PARP15: variants seen among roughly 807,000 people sequenced by gnomAD.
The protein encoded by PARP15 is protein mono-ADP-ribosyltransferase PARP15.
In PARP15, 50 loss-of-function variants were observed where a neutral mutation model predicts 62.1. That is an observed-to-expected ratio of 0.81 (90% confidence interval 0.64 to 1.02). PARP15 has a LOEUF of 1.02. Ranked by LOEUF, PARP15 falls within the 50% of genes least tolerant of loss-of-function variation. PARP15 has a pLI of 0.00. For missense variants in PARP15, 820 were observed against 826.5 expected, an observed-to-expected ratio of 0.99 and a Z score of 0.10; for synonymous variants, 309 against 293.1, an observed-to-expected ratio of 1.05 and a Z score of -0.55.
At chr3:122,616,859 A>T (rs1040946673) in intron 5 of PARP15, among the ~76,000 whole-genome samples, 156 bp from the exon 6 acceptor site, 1 of 152,190 alleles carries the variant, frequency 6.6e-6, no homozygotes, top group African/African-American at 2.4e-5. Context: ...AAAGAAAACC[A>T]AGCTGTTTAA....
rs377394521 is a variant in PARP15, at chr3:122,584,573, C to CTTTTTTTTTTT, written c.186+6720_186+6721insTTTTTTTTTTT. On this transcript the variant is annotated intron_variant, in intron 1 of 11. Transcript: ENST00000464300. Reference sequence around the variant, plus strand: ...TAAGGAAATATTCATCCATTTCTTTCCTTTTTTTTTTTTTTCCGAGATGGA... The same window carrying CTTTTTTTTTTT: ...TAAGGAAATATTCATCCATTTCTTTCTTTTTTTTTTTCTTTTTTTTTTTTTTCCGAGATGGA... 2.1e-4 allele frequency among the ~76,000 whole-genome samples: 29 copies of CTTTTTTTTTTT among 136,910 alleles called. 1 individual carries two copies. The highest frequency in any genetic ancestry group is 6.1e-4 in the African/African-American group (22 of 35,894). 89.8% of individuals were successfully genotyped at this position (136,910 alleles called of 152,430 possible).
At position 122,636,798 on chromosome 3, in the gene PARP15, G is replaced by A. The variant is rs1937401219; in HGVS notation, c.*698G>A. The stretch of plus-strand genomic sequence containing the variant: ...AGTTACAGACAAGATGTCAGGGGAT[G>A]TGGTCGTTTGAAGGCTTGTCTGGGC... On this transcript the variant is annotated 3_prime_UTR_variant, in exon 12 of 12. Transcript: ENST00000464300. The A allele has an allele frequency of 1.3e-5, 2 of 152,254 alleles. No individual in the cohort carries two copies. The highest frequency in any genetic ancestry group is 4.8e-5 in the African/African-American group (2 of 41,438). The allele number at this position is 152,254 out of a possible 1,614,324, so 9.4% of individuals were successfully genotyped here. A position where few individuals can be genotyped will look rare whatever the true frequency, so the allele number is the denominator to read the frequency against.
At chr3:122,586,019 A>G (rs1288224429) in intron 1 of PARP15, among the ~76,000 whole-genome samples, 1 of 152,258 alleles carries the variant, frequency 6.6e-6, no homozygotes, top group African/African-American at 2.4e-5. Context: ...TTAAATAAAT[A>G]TAGAACTTTT....
At chr3:122,587,988 G>A (rs1052166906) in intron 1 of PARP15, among the ~76,000 whole-genome samples, 2 of 152,042 alleles carry the variant, frequency 1.3e-5, no homozygotes, top group African/African-American at 4.8e-5. Flanking sequence ...AGAGTTCTTT[G>A]TATGTTTTAG....
At chr3:122,581,653 A>C (rs1052674569) in intron 1 of PARP15, among the ~76,000 whole-genome samples, 2 of 152,186 alleles carry the variant, frequency 1.3e-5, no homozygotes, top group Non-Finnish European at 2.9e-5. Flanking sequence ...CCTCTTCACC[A>C]ATATATGATT....
In PARP15 at chr3:122,577,681, G is replaced by A; in HGVS notation, c.14G>A (p.Gly5Asp). Residue 5 changes from glycine (G) to aspartate (D), a missense_variant, in exon 1 of 12, where the codon GGC becomes GAC. Gly to Asp is a moderately conservative substitution (Grantham distance 94). This residue lies in a region of PARP15 where 731 missense variants were observed against 727.7 expected (regional missense o/e 1.00). Coordinates refer to ENST00000464300, the MANE Select transcript of PARP15 (RefSeq NM_001113523.3). The stretch of plus-strand genomic sequence containing the variant: ...AGCGAGCTGAGGATGGCTGCGCCAG[G>A]CCCCCTTCCTGCCGCTGCTCTGAGT... MAAP[G>D]PLPAAALSPG... 2 of 1,551,536 alleles carry A rather than the reference G, an allele frequency of 1.3e-6. No homozygotes were observed. The highest frequency in any genetic ancestry group is 1.7e-6 in the Non-Finnish European group (2 of 1,146,874).
intron 1 of PARP15, among the ~76,000 whole-genome samples, chr3:122,595,826 CT>C (rs780620032): frequency 9.5e-4 from 144 of 152,346 alleles, no homozygotes; most frequent in Non-Finnish European, 1.7e-3. Flanking sequence ...AGCCACCACG[CT>C]GGCTTGGCTG....
chr3:122,592,094 G>A lies in PARP15; in HGVS notation c.187-13842G>A, dbSNP rs568911124. ...ACCTGGCAATCCCATTACTGGGTATGTATCCAAAGGAATATAAATCATTCT... is the reference window on the plus strand; with the variant it reads ...ACCTGGCAATCCCATTACTGGGTATATATCCAAAGGAATATAAATCATTCT... On this transcript the variant is annotated intron_variant, in intron 1 of 11. Coordinates refer to ENST00000464300, the MANE Select transcript of PARP15 (RefSeq NM_001113523.3). Among the ~76,000 whole-genome samples the A allele has an allele frequency of 2.6e-5, 4 of 152,310 alleles. No homozygotes were observed. The South Asian group carries it at 8.3e-4, about 32-fold the overall frequency.
intron 1 of PARP15, among the ~76,000 whole-genome samples, chr3:122,592,329 T>TAACACAGGAACAGAAAACC (rs1933990726): frequency 6.6e-6 from 1 of 152,026 alleles, no homozygotes; most frequent in Admixed American, 6.6e-5. Context: ...CTCAGCAAAC[T>TAACACAGGAACAGAAAACC]AACACAGGAA....
intron 10 of PARP15, among the ~76,000 whole-genome samples, chr3:122,632,680 C>G (rs1937127095): frequency 3.3e-5 from 5 of 152,232 alleles, no homozygotes; most frequent in Admixed American, 3.3e-4. Context: ...TTCTCATTCA[C>G]AACCCATAGA....
In PARP15 at chr3:122,584,573, C is replaced by CTTTTTTTTTTTTTTTTT. The variant is rs377394521; in HGVS notation, c.186+6720_186+6721insTTTTTTTTTTTTTTTTT. Reference sequence around the variant, plus strand: ...TAAGGAAATATTCATCCATTTCTTTCCTTTTTTTTTTTTTTCCGAGATGGA... The same window carrying CTTTTTTTTTTTTTTTTT: ...TAAGGAAATATTCATCCATTTCTTTCTTTTTTTTTTTTTTTTTCTTTTTTTTTTTTTTCCGAGATGGA... On this transcript the variant is annotated intron_variant, in intron 1 of 11. Transcript: ENST00000464300. Among the ~76,000 whole-genome samples, 37 of 136,880 alleles carry CTTTTTTTTTTTTTTTTT rather than the reference C, an allele frequency of 2.7e-4. 3 individuals are homozygous for CTTTTTTTTTTTTTTTTT. Among genetic ancestry groups the CTTTTTTTTTTTTTTTTT allele is most frequent in the Admixed American group, 3.2e-4 (4 of 12,454 alleles). 89.8% of individuals were successfully genotyped at this position (136,880 alleles called of 152,430 possible).
chr3:122,637,984 G>T lies in PARP15; in HGVS notation c.*1884G>T, dbSNP rs949479868. On this transcript the variant is annotated 3_prime_UTR_variant, in exon 12 of 12. Coordinates refer to ENST00000464300, the MANE Select transcript of PARP15 (RefSeq NM_001113523.3). ...CCCACAACAGGCCCCGGTGTGTGAT[G>T]TTCCCCTTCCTGTGTCCATGTGTTC... 19 of 152,168 alleles carry T rather than the reference G, an allele frequency of 1.2e-4. No homozygotes were observed. The highest frequency in any genetic ancestry group is 4.6e-4 in the African/African-American group (19 of 41,510). 9.4% of individuals were successfully genotyped at this position (152,168 alleles called of 1,614,324 possible).
At position 122,636,481 on chromosome 3, in the gene PARP15, A is replaced by G. The variant is rs369726193; in HGVS notation, c.*381A>G. On this transcript the variant is annotated 3_prime_UTR_variant, in exon 12 of 12. Coordinates refer to ENST00000464300, the MANE Select transcript of PARP15 (RefSeq NM_001113523.3). ...ATCGAATGGTGGCGGGTTAAACTGTACTGCTTAAGTGGAGCGGCTACCGTT... is the reference window on the plus strand; with the variant it reads ...ATCGAATGGTGGCGGGTTAAACTGTGCTGCTTAAGTGGAGCGGCTACCGTT... The G allele has an allele frequency of 4.7e-6, 1 of 212,408 alleles. No homozygotes were observed. Among genetic ancestry groups the G allele is most frequent in the Non-Finnish European group, 9.6e-6 (1 of 104,390 alleles). 13.2% of individuals were successfully genotyped at this position (212,408 alleles called of 1,614,324 possible).
rs1205320237 is a variant in PARP15, at chr3:122,606,062, G to T, written c.306+7G>T. On this transcript the variant is annotated splice_region_variant and intron_variant, in intron 2 of 11. Coordinates refer to ENST00000464300, the MANE Select transcript of PARP15 (RefSeq NM_001113523.3). ...AGATGTTCTGTACATCTGGGTAGGT[G>T]ATGCCATTTAATAAATCTACCAAGG... is the stretch of plus-strand genomic sequence containing the variant. 1.9e-6 allele frequency: 3 copies of T among 1,550,984 alleles called. No homozygotes were observed. Among genetic ancestry groups the T allele is most frequent in the Non-Finnish European group, 1.7e-6 (2 of 1,146,408 alleles).
chr3:122,635,625 C>T (rs1319520578), intron 11 of PARP15, among the ~76,000 whole-genome samples, 186 bp from the exon 12 acceptor site: 1 of 152,054 alleles, frequency 6.6e-6, no homozygotes, highest in Non-Finnish European at 1.5e-5. Flanking sequence ...GCTAGCCAGG[C>T]TGGTCTCGAA....
Position 122,636,405 on chromosome 3 carries a change from G to T in PARP15, c.*305G>T. The T allele has an allele frequency of 3.3e-6, 1 of 306,642 alleles. No individual in the cohort carries two copies. Among genetic ancestry groups the T allele is most frequent in the Non-Finnish European group, 6.1e-6 (1 of 162,808 alleles). 19.0% of individuals were successfully genotyped at this position (306,642 alleles called of 1,614,324 possible). ...TTTTTCTATCAGAAAAAAACAAGAT[G>T]CATCACCTTAAAACCAAGATGACAT... On this transcript the variant is annotated 3_prime_UTR_variant, in exon 12 of 12. Coordinates refer to ENST00000464300, the MANE Select transcript of PARP15 (RefSeq NM_001113523.3).
chr3:122,578,438 TA>T (rs1271510671), intron 1 of PARP15, among the ~76,000 whole-genome samples: 9 of 152,296 alleles, frequency 5.9e-5, no homozygotes, highest in African/African-American at 1.7e-4. Context: ...TGAATCTAAT[TA>T]TTTTTTTTCA....
At chr3:122,615,416 C>T (rs1020470833) in intron 4 of PARP15, 42 of 1,283,054 alleles carry the variant, frequency 3.3e-5, no homozygotes, top group Non-Finnish European at 4.2e-5. Context: ...TACAAATACT[C>T]TACACTTCCC....
At chr3:122,615,714 T>C in intron 4 of PARP15, 65 bp from the exon 5 acceptor site, 1 of 1,605,590 alleles carries the variant, frequency 6.2e-7, no homozygotes, top group Non-Finnish European at 8.5e-7. Context: ...TGATCAATGC[T>C]CCAAAGAATT....
Sources: gnomAD v4.1 joint callset for allele counts (sites outside exome capture counted in the v4.1 genomes callset) on GRCh38, gnomAD v4.1.1 for gene constraint, gnomAD v4.1.1 regional missense constraint, MANE v1.5 for transcripts, NCBI Gene and HGNC (gene_info 2026-07-23, HGNC 2026-07-21) for gene names.